The following MEGF6 variants were observed in gnomAD, a reference collection of about 807,000 sequenced individuals.
MEGF6 encodes multiple EGF like domains 6.
MEGF6 carries 184 observed loss-of-function variants against 207.1 expected under a neutral mutation model. The observed-to-expected ratio is 0.89, with a 90% CI of 0.79 to 1.00. The LOEUF (loss-of-function observed/expected upper bound fraction) is 1.00, where lower values mean the gene tolerates loss of function less well. MEGF6 is among the 50% of genes least tolerant of loss of function. The pLI is 0.00. For synonymous variants in MEGF6, 1,038 were observed against 910.0 expected (o/e 1.14, Z -2.53); for missense variants, 2,282 against 2,202.9 (o/e 1.04, Z -0.72).
At chr1:3,602,703 G>A (rs1644180181) in intron 1 of MEGF6, 103 bp from the exon 2 acceptor site, 1 of 1,443,472 alleles carries the variant, frequency 6.9e-7, no homozygotes, top group African/African-American at 1.4e-5. Flanking sequence ...CTGGAGTGAG[G>A]TCCAGACCCG....
At chr1:3,543,427 A>T (rs780261742) in intron 4 of MEGF6, among the ~76,000 whole-genome samples, 22 of 152,192 alleles carry the variant, frequency 1.4e-4, no homozygotes, top group Non-Finnish European at 2.6e-4. Context: ...GCTCGGCAAG[A>T]CTACATTTTT....
intron 4 of MEGF6, chr1:3,531,200 CA>C: frequency 6.6e-7 from 1 of 1,510,686 alleles, no homozygotes; most frequent in Non-Finnish European, 8.8e-7. Context: ...CCCAGGAGCC[CA>C]AGGCACCAGA....
chr1:3,584,328 G>GTGAAGACC (rs1251053188), intron 3 of MEGF6, among the ~76,000 whole-genome samples: 2 of 152,224 alleles, frequency 1.3e-5, no homozygotes, highest in Admixed American at 1.3e-4. Flanking sequence ...GTTCCTGCAG[G>GTGAAGACC]TGAAGACCTT....
intron 34 of MEGF6, 199 bp from the exon 35 acceptor site, chr1:3,492,966 T>G: frequency 1.5e-6 from 1 of 658,128 alleles, no homozygotes; most frequent in South Asian, 2.1e-5. Flanking sequence ...TCAGCTACAT[T>G]CTGCAGCCAG....
chr1:3,549,006 C>T (rs1642802588), intron 4 of MEGF6, among the ~76,000 whole-genome samples: 1 of 152,198 alleles, frequency 6.6e-6, no homozygotes, highest in Non-Finnish European at 1.5e-5. Flanking sequence ...CCCCAAAGCC[C>T]CCAACCCCAG....
chr1:3,510,054 G>C, intron 10 of MEGF6, 62 bp from the exon 11 acceptor site: 1 of 1,542,656 alleles, frequency 6.5e-7, no homozygotes, highest in South Asian at 1.2e-5. Context: ...GAAGGCCCCT[G>C]CCCACCCAGT....
chr1:3,534,503 T>C (rs1303266774), intron 4 of MEGF6, among the ~76,000 whole-genome samples: 2 of 152,144 alleles, frequency 1.3e-5, no homozygotes, highest in African/African-American at 4.8e-5. Context: ...GTGCCTCAGT[T>C]TCCCCATCTG....
chr1:3,572,803 G>C (rs1010377703), intron 4 of MEGF6, among the ~76,000 whole-genome samples: 5 of 147,764 alleles, frequency 3.4e-5, no homozygotes, highest in Non-Finnish European at 7.5e-5. Context: ...GGTGTGCTGG[G>C]TCCTCCCTGT....
intron 35 of MEGF6, 104 bp from the exon 36 acceptor site, chr1:3,491,063 T>C: frequency 9.6e-7 from 1 of 1,040,892 alleles, no homozygotes; most frequent in Non-Finnish European, 1.3e-6. Context: ...GGACCTCCAC[T>C]TCCCCCGCAC....
At chr1:3,555,302 C>T (rs1018641843) in intron 4 of MEGF6, among the ~76,000 whole-genome samples, 1 of 152,136 alleles carries the variant, frequency 6.6e-6, no homozygotes, top group Non-Finnish European at 1.5e-5. Flanking sequence ...CACCCACGCT[C>T]AGCTGGAAGC....
intron 9 of MEGF6, 69 bp from the exon 10 acceptor site, chr1:3,510,971 C>A: frequency 3.2e-6 from 5 of 1,546,074 alleles, no homozygotes; most frequent in Non-Finnish European, 4.4e-6. Flanking sequence ...CACCCACACA[C>A]AACTGCATAC....
At chr1:3,541,329 A>C (rs1006331848) in intron 4 of MEGF6, among the ~76,000 whole-genome samples, 2 of 152,250 alleles carry the variant, frequency 1.3e-5, no homozygotes, top group African/African-American at 4.8e-5. Flanking sequence ...CAGCAAGAGC[A>C]CATCGTCCCA....
At chr1:3,502,510 A>G (rs1217118651) in intron 17 of MEGF6, among the ~76,000 whole-genome samples, 2 of 152,064 alleles carry the variant, frequency 1.3e-5, no homozygotes, top group East Asian at 3.9e-4. Flanking sequence ...CCGCAGAGTC[A>G]CTGCCCTTTC....
chr1:3,523,010 C>A (rs1641814777), intron 5 of MEGF6, among the ~76,000 whole-genome samples: 2 of 152,004 alleles, frequency 1.3e-5, no homozygotes, highest in African/African-American at 2.4e-5. Context: ...ACTTTCAGAC[C>A]CAGGGAAACT....
intron 13 of MEGF6, 65 bp downstream of exon 13, chr1:3,508,493 C>T (rs755898261): frequency 6.4e-7 from 1 of 1,564,868 alleles, no homozygotes; most frequent in African/African-American, 1.4e-5. Flanking sequence ...GCTCAAAGGG[C>T]TGTCCCCAGG....
At chr1:3,495,750 C>T (rs371921287) in intron 30 of MEGF6, 140 bp downstream of exon 30, 9 of 1,105,560 alleles carry the variant, frequency 8.1e-6, no homozygotes, top group African/African-American at 6.3e-5. Context: ...TCATCTCAGC[C>T]CCAGGGTCAA....
intron 4 of MEGF6, among the ~76,000 whole-genome samples, chr1:3,553,963 T>C (rs1047206621): frequency 4.6e-5 from 7 of 152,300 alleles, no homozygotes; most frequent in Middle Eastern, 3.4e-3. Context: ...TCCCCAGGAA[T>C]GTTCTGCCTG....
the MEGF6 span, among the ~76,000 whole-genome samples, chr1:3,623,716 C>G: frequency 3.3e-5 from 5 of 152,360 alleles, no homozygotes; most frequent in African/African-American, 1.2e-4. Context: ...TGCCAGCGCC[C>G]ATGCAACTTT....
chr1:3,505,611 A>G (rs1641086375), intron 15 of MEGF6, 55 bp from the exon 16 acceptor site: 6 of 1,485,114 alleles, frequency 4.0e-6, no homozygotes, highest in Non-Finnish European at 5.4e-6. Flanking sequence ...ACCCTCCCAG[A>G]CCGCTTCCAC....
Sources: allele counts gnomAD v4.1 joint callset (sites outside exome capture counted in the v4.1 genomes callset), GRCh38; gene constraint gnomAD v4.1.1; transcripts MANE v1.5; gene names NCBI Gene and HGNC (gene_info 2026-07-23, HGNC 2026-07-21).